The following SRGAP2C variants were observed in gnomAD, a reference collection of about 807,000 sequenced individuals.
SRGAP2C encodes SLIT-ROBO Rho GTPase activating protein 2C, also known as SLIT-ROBO Rho GTPase-activating protein 2C.
SRGAP2C carries 15 observed loss-of-function variants against 25.1 expected under a neutral mutation model. The observed-to-expected ratio is 0.60, with a 90% CI of 0.40 to 0.92. SRGAP2C has a LOEUF of 0.92. Among genes scored for constraint, SRGAP2C ranks in the 40% least tolerant of loss-of-function variants. The probability of loss-of-function intolerance (pLI) is 0.00; values close to 1 mark genes in which losing one functional copy is unlikely to be tolerated. For synonymous variants in SRGAP2C, 44 were observed against 96.6 expected (o/e 0.46, Z 3.19); for missense variants, 144 against 264.4 (o/e 0.54, Z 3.16).
In SRGAP2C at chr1:121,187,921, C is replaced by T. The variant is rs587771888; in HGVS notation, c.67+408C>T. Among the ~76,000 whole-genome samples, 14 of 152,066 alleles carry T rather than the reference C, an allele frequency of 9.2e-5. No individual in the cohort carries two copies. The South Asian group carries it at 1.5e-3, about 16-fold the overall frequency. ...TTCAGAGATTGAAGAGGAGTCCAGA[C>T]AGAAAGGCAACCTTGGGAAGGTGTA... On this transcript the variant is annotated intron_variant, in intron 2 of 9. Coordinates refer to ENST00000367123, the MANE Select transcript of SRGAP2C (RefSeq NM_001329984.2).
chr1:121,339,175 ATGATCATATAGCAGTC>A (rs1658590610), intron 4 of SRGAP2C, among the ~76,000 whole-genome samples: 6 of 150,262 alleles, frequency 4.0e-5, no homozygotes. Flanking sequence ...TGTTGCCTAT[ATGATCATATAGCAGTC>A]TGTAGTCTGG....
Position 121,279,366 on chromosome 1 carries a change from A to G in SRGAP2C, c.68-5437A>G, listed in dbSNP as rs1430455978. Among the ~76,000 whole-genome samples the G allele has an allele frequency of 6.2e-5, 9 of 144,050 alleles. No individual in the cohort carries two copies. The East Asian group carries it at 1.9e-3, about 31-fold the overall frequency. 94.5% of individuals were successfully genotyped at this position (144,050 alleles called of 152,430 possible). On this transcript the variant is annotated intron_variant, in intron 2 of 9. Transcript: ENST00000367123. ...TCAAAGCAATAGGCTGAACACCCCC[A>G]CTCCCTCACCCCCTGTACTCTGCTG...
At chr1:121,236,581 T>G (rs1655965498) in intron 2 of SRGAP2C, among the ~76,000 whole-genome samples, 1 of 152,160 alleles carries the variant, frequency 6.6e-6, no homozygotes, top group Admixed American at 6.5e-5. Flanking sequence ...AAACCCTCCC[T>G]CACCTCATCA....
At chr1:121,329,079 C>A (rs1658380454) in intron 4 of SRGAP2C, among the ~76,000 whole-genome samples, 1 of 138,578 alleles carries the variant, frequency 7.2e-6, no homozygotes, top group Non-Finnish European at 1.6e-5. Flanking sequence ...GGCAAGATGG[C>A]CAGTGCCTGT....
At chr1:121,267,563 G>GA (rs1213507189) in intron 2 of SRGAP2C, among the ~76,000 whole-genome samples, 14 of 134,622 alleles carry the variant, frequency 1.0e-4, no homozygotes, top group Non-Finnish European at 1.9e-4. Flanking sequence ...TAGCAATATT[G>GA]AAAAAAATAT....
intron 2 of SRGAP2C, among the ~76,000 whole-genome samples, chr1:121,216,037 G>A (rs1362369693): frequency 6.6e-6 from 1 of 151,932 alleles, no homozygotes; most frequent in African/African-American, 2.4e-5. Flanking sequence ...CCCTGCAGGG[G>A]CCTCTTGAAC....
rs1654458003 is a variant in SRGAP2C at position 121,185,016 on chromosome 1, G to A, written c.-651G>A. 5.8e-6 allele frequency: 3 copies of A among 515,546 alleles called. No individual in the cohort carries two copies. The highest frequency in any genetic ancestry group is 3.0e-5 in the South Asian group (1 of 33,486). 31.9% of individuals were successfully genotyped at this position (515,546 alleles called of 1,614,324 possible). ...GGCGGAGGCGGCGGAGGCTCCTCCA[G>A]GGACTGGGGCACCGATCTGCGTAGA... On this transcript the variant is annotated 5_prime_UTR_variant, in exon 1 of 10. Transcript: ENST00000367123.
At chr1:121,266,216 C>T (rs1436150762) in intron 2 of SRGAP2C, among the ~76,000 whole-genome samples, 2 of 150,236 alleles carry the variant, frequency 1.3e-5, no homozygotes, top group Admixed American at 6.7e-5. Flanking sequence ...TTCAAGTGGT[C>T]CTCCCCCTTC....
intron 2 of SRGAP2C, among the ~76,000 whole-genome samples, chr1:121,278,102 C>A (rs1199938483): frequency 6.6e-6 from 1 of 151,466 alleles, no homozygotes; most frequent in Non-Finnish European, 1.5e-5. Context: ...CACCTCCCCC[C>A]GCCAGCTAAC....
In SRGAP2C at chr1:121,392,493, T is replaced by A. The variant is rs1239874659; in HGVS notation, c.*4638T>A. 1 of 150,466 alleles carries A rather than the reference T, an allele frequency of 6.6e-6. No individual in the cohort carries two copies. Among genetic ancestry groups the A allele is most frequent in the Non-Finnish European group, 1.5e-5 (1 of 67,674 alleles). 9.3% of individuals were successfully genotyped at this position (150,466 alleles called of 1,614,324 possible). ...TTTAGTTCTCTTTTGAGATTTATAGTCACTCAAATAAAGAGATAACCCAAA... is the reference window on the plus strand; with the variant it reads ...TTTAGTTCTCTTTTGAGATTTATAGACACTCAAATAAAGAGATAACCCAAA... On this transcript the variant is annotated 3_prime_UTR_variant, in exon 10 of 10. Coordinates refer to ENST00000367123, the MANE Select transcript of SRGAP2C (RefSeq NM_001329984.2).
At chr1:121,217,253 C>G (rs1169871955) in intron 2 of SRGAP2C, among the ~76,000 whole-genome samples, 2 of 151,080 alleles carry the variant, frequency 1.3e-5, no homozygotes, top group African/African-American at 4.9e-5. Context: ...GTTTTGGGGT[C>G]TGCCTTTGAA....
intron 4 of SRGAP2C, among the ~76,000 whole-genome samples, chr1:121,329,040 C>T (rs1172292906): frequency 1.5e-5 from 2 of 136,822 alleles, no homozygotes; most frequent in African/African-American, 2.7e-5. Flanking sequence ...GGTGAAACCC[C>T]GTCTCTACAA....
chr1:121,228,711 T>C (rs1220292061), intron 2 of SRGAP2C, among the ~76,000 whole-genome samples: 25 of 152,064 alleles, frequency 1.6e-4, no homozygotes, highest in African/African-American at 6.1e-4. Flanking sequence ...GTGAAGATAC[T>C]GGTGACTTAA....
At chr1:121,201,757 T>C (rs1462341569) in intron 2 of SRGAP2C, among the ~76,000 whole-genome samples, 3 of 152,224 alleles carry the variant, frequency 2.0e-5, no homozygotes, top group Admixed American at 6.5e-5. Context: ...AGATTGAAGA[T>C]AAGAGCGTGA....
At chr1:121,381,941 CT>C (rs1370891676) in intron 7 of SRGAP2C, among the ~76,000 whole-genome samples, 5 of 143,472 alleles carry the variant, frequency 3.5e-5, no homozygotes, top group Non-Finnish European at 6.1e-5. Context: ...TGCGCCAGTG[CT>C]TTTTTTATAC....
At chr1:121,322,063 T>C (rs1658222404) in intron 3 of SRGAP2C, among the ~76,000 whole-genome samples, 1 of 149,724 alleles carries the variant, frequency 6.7e-6, no homozygotes, top group South Asian at 2.1e-4. Context: ...TACAAATGTG[T>C]GTACATTTGT....
At chr1:121,304,206 A>G (rs1205906381) in intron 3 of SRGAP2C, among the ~76,000 whole-genome samples, 2 of 76,516 alleles carry the variant, frequency 2.6e-5, no homozygotes, top group Admixed American at 1.3e-4. Flanking sequence ...CCGAGACTCC[A>G]TATCAAAAAA....
At chr1:121,263,807 T>C in intron 2 of SRGAP2C, among the ~76,000 whole-genome samples, 1 of 151,262 alleles carries the variant, frequency 6.6e-6, no homozygotes, top group South Asian at 2.1e-4. Flanking sequence ...ATCTATGGAT[T>C]TGAACAGTAG....
intron 2 of SRGAP2C, among the ~76,000 whole-genome samples, chr1:121,187,899 A>G: frequency 6.6e-6 from 1 of 152,100 alleles, no homozygotes; most frequent in South Asian, 2.1e-4. Context: ...CATTTGTTTC[A>G]GAGATTGAAG....
Sources: allele counts gnomAD v4.1 joint callset (sites outside exome capture counted in the v4.1 genomes callset), GRCh38; gene constraint gnomAD v4.1.1; transcripts MANE v1.5; gene names NCBI Gene and HGNC (gene_info 2026-07-23, HGNC 2026-07-21).